Variants in ZNF169 observed in about 807,000 individuals in gnomAD.
ZNF169 encodes zinc finger protein 169.
ZNF169 carries 11 observed loss-of-function variants against 12.0 expected under a neutral mutation model. That is an observed-to-expected ratio of 0.92 (90% CI 0.58 to 1.52). The LOEUF is 1.52. Ranked by LOEUF, ZNF169 falls within the 40% of genes most tolerant of loss-of-function variation. The pLI is 0.00. For missense variants in ZNF169, 722 were observed against 744.0 expected (o/e 0.97, Z 0.34); for synonymous variants, 302 against 286.5 (o/e 1.05, Z -0.55).
intron 1 of ZNF169, among the ~76,000 whole-genome samples, chr9:94,270,852 AAT>A (rs1830398301): frequency 2.3e-4 from 1 of 4,272 alleles, no homozygotes; most frequent in African/African-American, 4.2e-4. Context: ...ATATTATATA[AAT>A]ATATATAATA....
rs1448772014 is a variant in ZNF169 at position 94,278,748 on chromosome 9, C to G, written c.-55-10C>G. The stretch of plus-strand genomic sequence containing the variant: ...CAAGTACCTCTCTCACTTCTCATCT[C>G]TTTCCCCAGATTTGCCTCTGCAACT... On this transcript the variant is annotated splice_polypyrimidine_tract_variant and intron_variant, in intron 1 of 4. Coordinates refer to ENST00000395395, the MANE Select transcript of ZNF169 (RefSeq NM_194320.4). The G allele has an allele frequency of 6.5e-7, 1 of 1,533,152 alleles. No homozygotes were observed. The highest frequency in any genetic ancestry group is 1.1e-5 in the South Asian group (1 of 88,196). The allele number at this position is 1,533,152 out of a possible 1,614,324, so 95.0% of individuals were successfully genotyped here.
At chr9:94,292,299 A>G (rs200449182) in intron 2 of ZNF169, 42 bp from the exon 3 acceptor site, 2 of 1,613,566 alleles carry the variant, frequency 1.2e-6, no homozygotes, top group Non-Finnish European at 1.7e-6. Context: ...GTTAGTGGGC[A>G]TGGCTGGCTG....
intron 4 of ZNF169, chr9:94,295,083 T>C (rs1830924230): frequency 6.6e-6 from 1 of 152,258 alleles, no homozygotes; most frequent in South Asian, 2.1e-4. Context: ...AATCCCAGAC[T>C]TTGAGAGGCT....
At chr9:94,260,563 G>A (rs941777561) in intron 1 of ZNF169, among the ~76,000 whole-genome samples, 2 of 152,236 alleles carry the variant, frequency 1.3e-5, no homozygotes, top group East Asian at 3.9e-4. Context: ...AGTTGAGAAG[G>A]GCTTGCCTGG....
At chr9:94,282,380 C>G (rs1024768520) in intron 2 of ZNF169, among the ~76,000 whole-genome samples, 1 of 152,098 alleles carries the variant, frequency 6.6e-6, no homozygotes, top group Non-Finnish European at 1.5e-5. Flanking sequence ...AGACATGCGA[C>G]GACGTCAATC....
At chr9:94,288,261 C>G in intron 2 of ZNF169, 1 of 803,688 alleles carries the variant, frequency 1.2e-6, no homozygotes. Context: ...AATTGAAGGT[C>G]AGCTTCAGTT....
chr9:94,291,399 T>C (rs1699620200), intron 2 of ZNF169, among the ~76,000 whole-genome samples: 1 of 152,152 alleles, frequency 6.6e-6, no homozygotes, highest in South Asian at 2.1e-4. Context: ...CCTTCCATGA[T>C]TGGGAACAAA....
intron 4 of ZNF169, chr9:94,294,706 A>G (rs1830917223): frequency 6.6e-6 from 1 of 152,102 alleles, no homozygotes; most frequent in Non-Finnish European, 1.5e-5. Context: ...GCATCTTTTC[A>G]TATGTTGCTT....
At chr9:94,294,192 CA>C (rs901915403) in intron 4 of ZNF169, 46 of 152,236 alleles carry the variant, frequency 3.0e-4, no homozygotes, top group African/African-American at 1.1e-3. Context: ...GTAATCCCAG[CA>C]CTCTGGGAGG....
chr9:94,269,909 G>C (rs1386610592), intron 1 of ZNF169, among the ~76,000 whole-genome samples: 1 of 152,120 alleles, frequency 6.6e-6, no homozygotes, highest in Non-Finnish European at 1.5e-5. Flanking sequence ...CCAGGTGCTG[G>C]GGTGATTACT....
intron 4 of ZNF169, 178 bp from the exon 5 acceptor site, chr9:94,299,637 G>T: frequency 7.2e-7 from 1 of 1,393,710 alleles, no homozygotes; most frequent in Non-Finnish European, 9.3e-7. Flanking sequence ...GAACCTTTTA[G>T]TTTGGCTGAT....
chr9:94,293,060 CT>C lies in ZNF169; in HGVS notation c.250del (p.Cys84ValfsTer29). 1.2e-6 allele frequency: 2 copies of C among 1,612,748 alleles called. No individual in the cohort carries two copies. Among genetic ancestry groups the C allele is most frequent in the Non-Finnish European group, 1.7e-6 (2 of 1,179,310 alleles). ...WREENEHLLDLCPEPRTEFQP... is the reference protein window; with the variant it reads ...WREENEHLLDXCPEPRTEFQP... Reference sequence around the variant, plus strand: ...AGAGGAGAACGAACATCTTCTGGACCTTTGTCCAGGTGAGTGGGAAGCCCTG... The same window carrying C: ...AGAGGAGAACGAACATCTTCTGGACCTTGTCCAGGTGAGTGGGAAGCCCTG... On this transcript the variant is annotated frameshift_variant, in exon 4 of 5. Transcript: ENST00000395395. LOFTEE classifies it low-confidence loss of function (END_TRUNC).
intron 1 of ZNF169, among the ~76,000 whole-genome samples, chr9:94,276,534 C>T (rs769194725): frequency 6.6e-6 from 1 of 152,046 alleles, no homozygotes; most frequent in Non-Finnish European, 1.5e-5. Context: ...GCTAGGATTA[C>T]AGACGTGAGC....
At chr9:94,264,804 CTG>C (rs1462294408) in intron 1 of ZNF169, among the ~76,000 whole-genome samples, 1 of 152,062 alleles carries the variant, frequency 6.6e-6, no homozygotes, top group Non-Finnish European at 1.5e-5. Flanking sequence ...AGTACGTATT[CTG>C]TTTCTGCCTT....
At chr9:94,285,456 CAA>C (rs1691071864) in intron 2 of ZNF169, among the ~76,000 whole-genome samples, 1 of 151,776 alleles carries the variant, frequency 6.6e-6, no homozygotes, top group Non-Finnish European at 1.5e-5. Flanking sequence ...GAAGGGGAAA[CAA>C]AGGAGGGAAG....
At chr9:94,270,080 T>C (rs1193987873) in intron 1 of ZNF169, among the ~76,000 whole-genome samples, 2 of 152,182 alleles carry the variant, frequency 1.3e-5, no homozygotes, top group Non-Finnish European at 2.9e-5. Context: ...TGTCATGCTT[T>C]AAGGCCCAGG....
At chr9:94,267,709 A>G (rs573003165) in intron 1 of ZNF169, among the ~76,000 whole-genome samples, 1 of 152,304 alleles carries the variant, frequency 6.6e-6, no homozygotes, top group East Asian at 1.9e-4. Flanking sequence ...TCATGCAGTT[A>G]ATTCCTGTTG....
chr9:94,276,945 T>C (rs11792912), intron 1 of ZNF169, among the ~76,000 whole-genome samples: 54,927 of 151,982 alleles, frequency 0.36, 10,420 homozygotes, highest in Middle Eastern at 0.45. Context: ...AGATTTATTG[T>C]GAGCCAAATA....
intron 1 of ZNF169, among the ~76,000 whole-genome samples, chr9:94,270,791 ATAAAT>A (rs1830388881): frequency 2.1e-5 from 1 of 47,736 alleles, no homozygotes; most frequent in African/African-American, 5.8e-5. Flanking sequence ...ATAAATATAT[ATAAAT>A]AATATATATA....
Sources: allele counts gnomAD v4.1 joint callset (sites outside exome capture counted in the v4.1 genomes callset), GRCh38; gene constraint gnomAD v4.1.1; transcripts MANE v1.5; gene names NCBI Gene and HGNC (gene_info 2026-07-23, HGNC 2026-07-21).